DPP10: variants seen among roughly 807,000 people sequenced by gnomAD.
The protein encoded by DPP10 is inactive dipeptidyl peptidase 10.
A neutral mutation model predicts 120.9 loss-of-function variants in DPP10; 33 were observed. That is an observed-to-expected ratio of 0.27 (90% CI 0.21 to 0.37). The LOEUF is 0.37. DPP10 is among the 10% of genes least tolerant of loss of function. The pLI is 1.00. For missense variants in DPP10, 816 were observed against 942.8 expected (o/e 0.87, Z 1.76); for synonymous variants, 337 against 326.1 (o/e 1.03, Z -0.36).
chr2:115,836,260 A>G lies in DPP10; in HGVS notation c.2050+4A>G. ...ATCACAGACTTGAAATTGTATGGTG[A>G]GTACTTTCTACAGACTGACCTAGTA... On this transcript the variant is annotated splice_donor_region_variant and intron_variant, in intron 22 of 25. Coordinates refer to ENST00000410059, the MANE Select transcript of DPP10 (RefSeq NM_020868.6). 1 of 1,600,144 alleles carries G rather than the reference A, an allele frequency of 6.2e-7. No individual in the cohort carries two copies. Among genetic ancestry groups the G allele is most frequent in the Non-Finnish European group, 8.5e-7 (1 of 1,174,824 alleles).
intron 2 of DPP10, among the ~76,000 whole-genome samples, chr2:115,340,447 G>A (rs2063387491): frequency 6.6e-6 from 1 of 151,880 alleles, no homozygotes; most frequent in African/African-American, 2.4e-5. Flanking sequence ...CCTTAATATT[G>A]TGAAATGTTT....
intron 1 of DPP10, among the ~76,000 whole-genome samples, chr2:115,134,902 G>C (rs2050571580): frequency 6.6e-6 from 1 of 152,098 alleles, no homozygotes; most frequent in Non-Finnish European, 1.5e-5. Flanking sequence ...TTCTGGGAGA[G>C]AATCAGCAAG....
intron 1 of DPP10, among the ~76,000 whole-genome samples, chr2:115,227,851 T>C (rs901479077): frequency 1.3e-5 from 2 of 151,950 alleles, no homozygotes; most frequent in African/African-American, 2.4e-5. Context: ...AAATTAATTA[T>C]TTATTTATAT....
chr2:115,644,519 CCAA>C (rs2087066444), intron 5 of DPP10, among the ~76,000 whole-genome samples: 1 of 151,886 alleles, frequency 6.6e-6, no homozygotes, highest in Admixed American at 6.6e-5. Flanking sequence ...ACCTATAAAC[CCAA>C]CACTTTGGAA....
At chr2:114,900,860 T>C (rs943920328) in intron 1 of DPP10, among the ~76,000 whole-genome samples, 1 of 152,186 alleles carries the variant, frequency 6.6e-6, no homozygotes, top group African/African-American at 2.4e-5. Context: ...CTGTATGAGG[T>C]ATTTTCAAAA....
At chr2:115,588,066 T>G (rs2082402531) in intron 5 of DPP10, among the ~76,000 whole-genome samples, 1 of 152,220 alleles carries the variant, frequency 6.6e-6, no homozygotes, top group South Asian at 2.1e-4. Flanking sequence ...TCTATTGACC[T>G]TTTCCATAAT....
At chr2:114,522,446 G>A (rs769764482) in intron 1 of DPP10, among the ~76,000 whole-genome samples, 18 of 152,178 alleles carry the variant, frequency 1.2e-4, no homozygotes, top group Middle Eastern at 6.8e-3. Flanking sequence ...AGAACTCTGG[G>A]TTAGAGAACT....
intron 3 of DPP10, among the ~76,000 whole-genome samples, chr2:115,389,307 T>C (rs150947509): frequency 1.5e-4 from 23 of 148,856 alleles, no homozygotes; most frequent in African/African-American, 5.5e-4. Flanking sequence ...ACACTCATAC[T>C]CATTCTACTT....
chr2:114,714,458 CA>C (rs1701228845), intron 1 of DPP10, among the ~76,000 whole-genome samples: 1 of 152,046 alleles, frequency 6.6e-6, no homozygotes, highest in Non-Finnish European at 1.5e-5. Context: ...TCTGTGACAA[CA>C]AAAGCAGGAA....
At chr2:115,504,441 C>T (rs781593020) in intron 4 of DPP10, among the ~76,000 whole-genome samples, 15 of 151,930 alleles carry the variant, frequency 9.9e-5, no homozygotes, top group Non-Finnish European at 1.8e-4. Context: ...TCCTTCCCCT[C>T]GCTATAGCAG....
At chr2:115,233,212 AGT>A (rs72071460) in intron 1 of DPP10, among the ~76,000 whole-genome samples, 113,064 of 148,798 alleles carry the variant, frequency 0.76, 42,900 homozygotes, top group East Asian at 0.87. Flanking sequence ...AGGTATATTG[AGT>A]GTGTGTGTGT....
chr2:115,683,277 C>T (rs1283026789), intron 5 of DPP10, among the ~76,000 whole-genome samples: 2 of 151,794 alleles, frequency 1.3e-5, no homozygotes, highest in Non-Finnish European at 2.9e-5. Context: ...AACTATATGG[C>T]ATTCTGGGAA....
At chr2:115,352,439 A>G (rs1299545511) in intron 3 of DPP10, among the ~76,000 whole-genome samples, 2 of 152,194 alleles carry the variant, frequency 1.3e-5, no homozygotes, top group Non-Finnish European at 2.9e-5. Flanking sequence ...TTGATATTCT[A>G]TACAATTGTT....
intron 5 of DPP10, among the ~76,000 whole-genome samples, chr2:115,612,013 A>T (rs1204518636): frequency 6.6e-6 from 1 of 152,182 alleles, no homozygotes; most frequent in Non-Finnish European, 1.5e-5. Context: ...AGAAAATATA[A>T]CTATTCCAAA....
At chr2:114,803,612 G>A (rs553801074) in intron 1 of DPP10, among the ~76,000 whole-genome samples, 7 of 152,276 alleles carry the variant, frequency 4.6e-5, no homozygotes, top group Non-Finnish European at 1.0e-4. Context: ...CTCTTGTTAT[G>A]TTTTAGCAAA....
chr2:114,887,907 A>T (rs1424278825), intron 1 of DPP10, among the ~76,000 whole-genome samples: 1 of 152,178 alleles, frequency 6.6e-6, no homozygotes, highest in Non-Finnish European at 1.5e-5. Flanking sequence ...TGGGAGGCTG[A>T]GGCGGGTGGA....
chr2:115,682,195 T>C (rs1387940093), intron 5 of DPP10, among the ~76,000 whole-genome samples: 1 of 151,996 alleles, frequency 6.6e-6, no homozygotes, highest in Non-Finnish European at 1.5e-5. Flanking sequence ...CTACTTTCAG[T>C]AATTGATTTT....
At chr2:114,482,316 T>C (rs1681133205) in intron 1 of DPP10, among the ~76,000 whole-genome samples, 1 of 152,176 alleles carries the variant, frequency 6.6e-6, no homozygotes, top group Admixed American at 6.6e-5. Context: ...TTTTATTATA[T>C]GGAATTGATT....
At chr2:115,069,182 A>AT (rs1333937360) in intron 1 of DPP10, among the ~76,000 whole-genome samples, 5 of 151,954 alleles carry the variant, frequency 3.3e-5, no homozygotes, top group East Asian at 3.8e-4. Context: ...ATAAACATAG[A>AT]TTTTTTTGTT....
Sources: gnomAD v4.1 joint callset for allele counts (sites outside exome capture counted in the v4.1 genomes callset) on GRCh38, gnomAD v4.1.1 for gene constraint, MANE v1.5 for transcripts, NCBI Gene and HGNC (gene_info 2026-07-23, HGNC 2026-07-21) for gene names.